The following PANK2 variants were observed in gnomAD, a reference collection of about 807,000 sequenced individuals.
The protein encoded by PANK2 is pantothenate kinase 2, mitochondrial.
In PANK2, 36 loss-of-function variants were observed where a neutral mutation model predicts 43.1. The observed-to-expected ratio is 0.84, with a 90% CI of 0.64 to 1.10. The LOEUF (loss-of-function observed/expected upper bound fraction) is 1.10. Among genes scored for constraint, PANK2 ranks in the 50% least tolerant of loss-of-function variants. PANK2 has a pLI of 0.00. For missense variants in PANK2, 576 were observed against 593.3 expected, an observed-to-expected ratio of 0.97 and a Z score of 0.30; for synonymous variants, 281 against 238.2, an observed-to-expected ratio of 1.18 and a Z score of -1.66.
intron 2 of PANK2, 89 bp downstream of exon 2, chr20:3,908,367 T>C: frequency 1.6e-6 from 2 of 1,213,292 alleles, no homozygotes; most frequent in Non-Finnish European, 2.3e-6. Flanking sequence ...TTTCCATCTC[T>C]AATGGAACTT....
At chr20:3,901,676 C>A (rs1242019210) in intron 1 of PANK2, 2 of 853,402 alleles carry the variant, frequency 2.3e-6, no homozygotes, top group East Asian at 1.2e-4. Flanking sequence ...TTGTTTATTT[C>A]TTAAAGCTCT....
At chr20:3,894,118 A>T (rs2090167053) in intron 1 of PANK2, among the ~76,000 whole-genome samples, 1 of 151,752 alleles carries the variant, frequency 6.6e-6, no homozygotes, top group African/African-American at 2.4e-5. Flanking sequence ...TTTAGTAGAG[A>T]TGGGATTTCA....
At chr20:3,898,905 C>G (rs1409986238) in intron 1 of PANK2, among the ~76,000 whole-genome samples, 1 of 151,730 alleles carries the variant, frequency 6.6e-6, no homozygotes, top group African/African-American at 2.4e-5. Flanking sequence ...GGGAAACAGA[C>G]TTGCTGTTGT....
intron 2 of PANK2, among the ~76,000 whole-genome samples, chr20:3,910,066 C>T (rs750696131): frequency 3.3e-5 from 5 of 152,214 alleles, no homozygotes; most frequent in Non-Finnish European, 5.9e-5. Context: ...AAAAATCTTA[C>T]CTTCTAACTG....
intron 1 of PANK2, among the ~76,000 whole-genome samples, chr20:3,900,744 C>A (rs1450504802): frequency 6.6e-6 from 1 of 151,656 alleles, no homozygotes; most frequent in Non-Finnish European, 1.5e-5. Context: ...TGCAGTCATT[C>A]CCATCATTTA....
intron 1 of PANK2, among the ~76,000 whole-genome samples, chr20:3,898,466 C>T (rs1192093129): frequency 6.6e-6 from 1 of 152,152 alleles, no homozygotes; most frequent in African/African-American, 2.4e-5. Flanking sequence ...TCCCAAAATG[C>T]TGGGATTATA....
chr20:3,889,719 A>G lies in PANK2; in HGVS notation c.289A>G (p.Lys97Glu), dbSNP rs763582128. Residue 97 changes from lysine to glutamate, a missense_variant, in exon 1 of 7, where the codon AAG (lysine) becomes GAG (glutamate). Around this residue, in one of 2 missense-constraint regions of PANK2, gnomAD observed 544 missense variants for 528.9 expected, o/e 1.03. Transcript: ENST00000610179. Reference sequence around the variant, plus strand: ...CCAGCGCGTCGAAAGCCTGAGGAAAAAGCGGCCGCGTAAGTGTTCCGTGGG... The same window carrying G: ...CCAGCGCGTCGAAAGCCTGAGGAAAGAGCGGCCGCGTAAGTGTTCCGTGGG... The G allele has an allele frequency of 3.1e-6, 5 of 1,595,866 alleles. No homozygotes were observed. The highest frequency in any genetic ancestry group is 4.2e-6 in the Non-Finnish European group (5 of 1,179,082).
Position 3,924,260 on chromosome 20 carries a change from T to TC in PANK2, c.*969dup, listed in dbSNP as rs941123049. ...TTTGCAGAATAATTTCAAAAGCCTT[T>TC]CCCAAGGAGAGAATGCACCTTTTAT... On this transcript the variant is annotated 3_prime_UTR_variant, in exon 7 of 7. Transcript: ENST00000610179. The TC allele has an allele frequency of 6.6e-6, 1 of 152,274 alleles. No homozygotes were observed. The highest frequency in any genetic ancestry group is 1.5e-5 in the Non-Finnish European group (1 of 68,080). 9.4% of individuals were successfully genotyped at this position (152,274 alleles called of 1,614,324 possible). A position where few individuals can be genotyped will look rare whatever the true frequency, so the allele number is the denominator to read the frequency against.
intron 1 of PANK2, among the ~76,000 whole-genome samples, chr20:3,900,807 C>T (rs1055308500): frequency 6.6e-6 from 1 of 151,708 alleles, no homozygotes; most frequent in Non-Finnish European, 1.5e-5. Flanking sequence ...CTTGCTCTGT[C>T]GCCTAGGCTG....
At chr20:3,906,499 A>G (rs772441039) in intron 1 of PANK2, among the ~76,000 whole-genome samples, 50 of 152,188 alleles carry the variant, frequency 3.3e-4, no homozygotes, top group Non-Finnish European at 6.8e-4. Context: ...AGCTTAGCCA[A>G]ACCTACCTTA....
intron 1 of PANK2, among the ~76,000 whole-genome samples, chr20:3,898,680 A>G (rs919570030): frequency 3.9e-5 from 6 of 152,044 alleles, no homozygotes; most frequent in African/African-American, 1.4e-4. Flanking sequence ...TTCAAAGTAG[A>G]TAGATTTATT....
At chr20:3,901,018 C>T (rs916356570) in intron 1 of PANK2, among the ~76,000 whole-genome samples, 1 of 151,810 alleles carries the variant, frequency 6.6e-6, no homozygotes, top group Non-Finnish European at 1.5e-5. Flanking sequence ...GATCCACCTG[C>T]CTTGGCCTCC....
chr20:3,896,229 A>ATTTTTTTTTTTTT (rs35978823), intron 1 of PANK2, among the ~76,000 whole-genome samples: 2 of 111,934 alleles, frequency 1.8e-5, no homozygotes, highest in African/African-American at 3.4e-5. Flanking sequence ...CGCCTGGCTA[A>ATTTTTTTTTTTTT]TTTTTTTTTT....
At chr20:3,923,064 C>T (rs1166786854) in intron 6 of PANK2, among the ~76,000 whole-genome samples, 180 bp from the exon 7 acceptor site, 1 of 152,206 alleles carries the variant, frequency 6.6e-6, no homozygotes, top group African/African-American at 2.4e-5. Flanking sequence ...AGCCCCCTCC[C>T]CAGACAGGGA....
chr20:3,892,518 T>C (rs2090139690), intron 1 of PANK2, among the ~76,000 whole-genome samples: 1 of 151,208 alleles, frequency 6.6e-6, no homozygotes, highest in Non-Finnish European at 1.5e-5. Context: ...CTACTAAAAA[T>C]ACAAAAAAAT....
At chr20:3,917,277 G>A (rs894454517) in intron 5 of PANK2, among the ~76,000 whole-genome samples, 1 of 151,982 alleles carries the variant, frequency 6.6e-6, no homozygotes, top group Non-Finnish European at 1.5e-5. Flanking sequence ...ATCTTTTGAG[G>A]AGAAAGTAGA....
intron 5 of PANK2, among the ~76,000 whole-genome samples, chr20:3,917,814 C>CTT (rs1326940634): frequency 1.3e-5 from 2 of 152,126 alleles, no homozygotes; most frequent in Non-Finnish European, 2.9e-5. Flanking sequence ...AATATCATAA[C>CTT]TTCTTTTTTC....
intron 6 of PANK2, among the ~76,000 whole-genome samples, chr20:3,922,219 C>T (rs1186204878): frequency 6.6e-6 from 1 of 152,200 alleles, no homozygotes; most frequent in Non-Finnish European, 1.5e-5. Context: ...TGATATCTTA[C>T]CTTACAGGTT....
rs377522775 is a variant in PANK2, at chr20:3,905,432, C to T, written c.299-2494C>T. On this transcript the variant is annotated intron_variant, in intron 1 of 6. Transcript: ENST00000610179. ...GTGGCATGATCTCCGCTCACTGCTCCGCCTCCCGGGTTCATGCCATTCTCC... is the reference window on the plus strand; with the variant it reads ...GTGGCATGATCTCCGCTCACTGCTCTGCCTCCCGGGTTCATGCCATTCTCC... Among the ~76,000 whole-genome samples the T allele has an allele frequency of 1.3e-4, 19 of 151,452 alleles. 1 individual carries two copies. Among genetic ancestry groups the T allele is most frequent in the Admixed American group, 7.3e-4 (11 of 15,164 alleles).
Sources: gnomAD v4.1 joint callset for allele counts (sites outside exome capture counted in the v4.1 genomes callset) on GRCh38, gnomAD v4.1.1 for gene constraint, gnomAD v4.1.1 regional missense constraint, MANE v1.5 for transcripts, NCBI Gene and HGNC (gene_info 2026-07-23, HGNC 2026-07-21) for gene names.